WDFY4: variants seen among roughly 807,000 people sequenced by gnomAD.
WDFY4 encodes WD repeat- and FYVE domain-containing protein 4.
WDFY4 carries 169 observed loss-of-function variants against 351.9 expected under a neutral mutation model. The observed-to-expected ratio is 0.48, with a 90% CI of 0.42 to 0.55. The LOEUF (loss-of-function observed/expected upper bound fraction) is 0.55, where lower values mean the gene tolerates loss of function less well. Among genes scored for constraint, WDFY4 ranks in the 20% least tolerant of loss-of-function variants. The pLI is 0.00. For synonymous variants in WDFY4, 1,622 were observed against 1,574.6 expected (o/e 1.03, Z -0.71); for missense variants, 3,803 against 3,935.6 (o/e 0.97, Z 0.90).
intron 23 of WDFY4, among the ~76,000 whole-genome samples, chr10:48,791,815 G>T (rs2066692012): frequency 6.6e-6 from 1 of 152,128 alleles, no homozygotes; most frequent in Non-Finnish European, 1.5e-5. Flanking sequence ...ACTGGGTCAG[G>T]GTTAGAGCAG....
intron 47 of WDFY4, chr10:48,913,402 C>G: frequency 6.2e-7 from 1 of 1,611,632 alleles, no homozygotes; most frequent in African/African-American, 1.3e-5. Flanking sequence ...CTCCAGTCTT[C>G]CCAGGAGTCC....
intron 47 of WDFY4, among the ~76,000 whole-genome samples, chr10:48,914,512 C>A (rs556740563): frequency 4.8e-4 from 73 of 152,292 alleles, no homozygotes; most frequent in African/African-American, 1.8e-3. Flanking sequence ...TAAATACTCT[C>A]CACTGTCCCA....
At chr10:48,890,922 G>A (rs1341531410) in intron 44 of WDFY4, among the ~76,000 whole-genome samples, 195 bp downstream of exon 44, 1 of 152,184 alleles carries the variant, frequency 6.6e-6, no homozygotes, top group Admixed American at 6.5e-5. Flanking sequence ...CAGTGATCAG[G>A]ACTGGGTACT....
chr10:48,920,952 G>C (rs1462737066), intron 47 of WDFY4, among the ~76,000 whole-genome samples: 1 of 152,106 alleles, frequency 6.6e-6, no homozygotes, highest in Non-Finnish European at 1.5e-5. Context: ...ACCAAAATAT[G>C]CAGGATTTTT....
chr10:48,753,851 T>C (rs1465125074), intron 12 of WDFY4, among the ~76,000 whole-genome samples: 1 of 152,210 alleles, frequency 6.6e-6, no homozygotes, highest in Admixed American at 6.5e-5. Context: ...CAATTCCACA[T>C]GAATTTGAGG....
At chr10:48,693,397 C>A (rs2063247614) in intron 1 of WDFY4, among the ~76,000 whole-genome samples, 1 of 152,208 alleles carries the variant, frequency 6.6e-6, no homozygotes, top group East Asian at 1.9e-4. Context: ...GCCCAGAGGA[C>A]CTGTGTCACC....
chr10:48,758,744 C>A (rs1028871831), intron 12 of WDFY4, among the ~76,000 whole-genome samples: 4 of 152,028 alleles, frequency 2.6e-5, no homozygotes, highest in Non-Finnish European at 2.9e-5. Flanking sequence ...TTACTTGATT[C>A]TTTTTTATTG....
chr10:48,768,958 A>T (rs1167169179), intron 13 of WDFY4, among the ~76,000 whole-genome samples: 2 of 152,200 alleles, frequency 1.3e-5, no homozygotes, highest in African/African-American at 2.4e-5. Flanking sequence ...AGAAGCTGAG[A>T]CTGTCACTAC....
At chr10:48,697,422 C>G (rs1370940349) in intron 1 of WDFY4, among the ~76,000 whole-genome samples, 1 of 152,212 alleles carries the variant, frequency 6.6e-6, no homozygotes, top group Non-Finnish European at 1.5e-5. Context: ...CCAACACTTA[C>G]ACATGGCGCC....
At chr10:48,862,713 T>C (rs1296172905) in intron 39 of WDFY4, among the ~76,000 whole-genome samples, 1 of 152,226 alleles carries the variant, frequency 6.6e-6, no homozygotes, top group Non-Finnish European at 1.5e-5. Context: ...CTCTGGTTCA[T>C]GGAAAAATTG....
intron 43 of WDFY4, among the ~76,000 whole-genome samples, chr10:48,883,126 A>G (rs1238455868): frequency 2.6e-5 from 4 of 152,070 alleles, no homozygotes. Context: ...TTCTTTCTCT[A>G]TAACTGTTCC....
chr10:48,807,678 C>T (rs112723817), intron 27 of WDFY4, among the ~76,000 whole-genome samples, 181 bp from the exon 28 acceptor site: 1 of 152,142 alleles, frequency 6.6e-6, no homozygotes. Flanking sequence ...ACTTCAGTAA[C>T]ATTTTCTGAA....
At chr10:48,715,849 C>A (rs2063892631) in intron 2 of WDFY4, among the ~76,000 whole-genome samples, 1 of 150,516 alleles carries the variant, frequency 6.6e-6, no homozygotes, top group Non-Finnish European at 1.5e-5. Flanking sequence ...CGGGGTTTCA[C>A]CATGTTAGCC....
In WDFY4 at chr10:48,832,654, C is replaced by T. The variant is rs770097377; in HGVS notation, c.6608C>T (p.Ser2203Leu). ...ACTTTGTGGAGTGGAAGCCTGTCCT[C>T]AGCCATGAAGCTGATGCCCGGGCGG... is the stretch of plus-strand genomic sequence containing the variant. ...KVTLWSGSLSSAMKLMPGRQA... is the reference protein window; with the variant it reads ...KVTLWSGSLSLAMKLMPGRQA... The change falls in exon 39 of 62, where the codon TCA becomes TTA. Residue 2203 changes from serine (S) to leucine (L), a missense_variant. Around this residue, in one of 3 missense-constraint regions of WDFY4, gnomAD observed 3,054 missense variants for 3,148.6 expected, o/e 0.97. Coordinates refer to ENST00000325239, the MANE Select transcript of WDFY4 (RefSeq NM_001394531.1). 58 of 1,550,950 alleles carry T rather than the reference C, an allele frequency of 3.7e-5. No individual in the cohort carries two copies. Among genetic ancestry groups the T allele is most frequent in the Non-Finnish European group, 5.0e-5 (57 of 1,146,610 alleles).
intron 55 of WDFY4, chr10:48,967,098 C>T (rs1477842406): frequency 6.3e-6 from 1 of 158,944 alleles, no homozygotes; most frequent in Non-Finnish European, 1.4e-5. Flanking sequence ...GCCACTGGTC[C>T]TCCTAAGCAG....
chr10:48,826,933 T>A, intron 36 of WDFY4, 24 bp downstream of exon 36: 1 of 1,537,382 alleles, frequency 6.5e-7, no homozygotes, highest in Non-Finnish European at 8.8e-7. Flanking sequence ...ACTTGTTTCC[T>A]TGTCTGCTGG....
chr10:48,981,720 G>A (rs1404676470), intron 61 of WDFY4, among the ~76,000 whole-genome samples: 2 of 152,190 alleles, frequency 1.3e-5, no homozygotes, highest in Non-Finnish European at 2.9e-5. Flanking sequence ...TCTTGCTCTT[G>A]AATATCCAAA....
At position 48,932,958 on chromosome 10, in the gene WDFY4, G is replaced by C. The variant is rs1035683941; in HGVS notation, c.7587-8848G>C. 3.9e-5 allele frequency among the ~76,000 whole-genome samples: 6 copies of C among 152,288 alleles called. No individual in the cohort carries two copies. In the East Asian group the frequency reaches 1.2e-3, roughly 29 times the overall value. Reference sequence around the variant, plus strand: ...GAAGAGCTGAGCAAGGGCAGTGCAAGGTGGGCCATGTGCTCATGGGTAGGG... The same window carrying C: ...GAAGAGCTGAGCAAGGGCAGTGCAACGTGGGCCATGTGCTCATGGGTAGGG... On this transcript the variant is annotated intron_variant, in intron 47 of 61. Coordinates refer to ENST00000325239, the MANE Select transcript of WDFY4 (RefSeq NM_001394531.1).
At chr10:48,898,794 G>C (rs953571505) in intron 45 of WDFY4, among the ~76,000 whole-genome samples, 2 of 152,194 alleles carry the variant, frequency 1.3e-5, no homozygotes, top group African/African-American at 4.8e-5. Flanking sequence ...GGAGCAGGAA[G>C]AGCAGAGTGG....
Sources: allele counts gnomAD v4.1 joint callset (sites outside exome capture counted in the v4.1 genomes callset), GRCh38; gene constraint gnomAD v4.1.1; regional missense constraint gnomAD v4.1.1; transcripts MANE v1.5; gene names NCBI Gene and HGNC (gene_info 2026-07-23, HGNC 2026-07-21).